CAMK1D: variants seen among roughly 807,000 people sequenced by gnomAD.
The protein encoded by CAMK1D is calcium/calmodulin-dependent protein kinase type 1D.
CAMK1D carries 9 observed loss-of-function variants against 47.7 expected under a neutral mutation model. The observed-to-expected ratio is 0.19, with a 90% CI of 0.11 to 0.33. The LOEUF is 0.33. Ranked by LOEUF, CAMK1D falls within the 10% of genes least tolerant of loss-of-function variation. The pLI is 1.00. For missense variants in CAMK1D, 291 were observed against 488.7 expected, an observed-to-expected ratio of 0.60 and a Z score of 3.81; for synonymous variants, 184 against 184.9, an observed-to-expected ratio of 0.99 and a Z score of 0.04.
intron 10 of CAMK1D, 62 bp from the exon 11 acceptor site, chr10:12,828,707 T>A: frequency 7.5e-7 from 1 of 1,332,874 alleles, no homozygotes. Flanking sequence ...CACCTGGCAG[T>A]GGGAAGCAGG....
At chr10:12,789,157 G>T (rs2493768) in intron 5 of CAMK1D, among the ~76,000 whole-genome samples, 12,630 of 152,252 alleles carry the variant, frequency 0.083, 1,781 homozygotes, top group African/African-American at 0.29. Context: ...GAGGACAGCT[G>T]TGAGTGTGAC....
At chr10:12,772,810 G>A (rs760783535) in intron 5 of CAMK1D, among the ~76,000 whole-genome samples, 5 of 152,286 alleles carry the variant, frequency 3.3e-5, no homozygotes, top group East Asian at 1.9e-4. Flanking sequence ...TTGACTGAGC[G>A]CTGAAACTCC....
intron 1 of CAMK1D, among the ~76,000 whole-genome samples, chr10:12,399,597 C>T (rs1385834968): frequency 6.6e-6 from 1 of 152,104 alleles, no homozygotes; most frequent in East Asian, 1.9e-4. Context: ...GACACCCCTA[C>T]TATGACACCT....
Position 12,834,339 on chromosome 10 carries a change from G to A in CAMK1D, c.*5452G>A, listed in dbSNP as rs1393940209. On this transcript the variant is annotated 3_prime_UTR_variant, in exon 11 of 11. Coordinates refer to ENST00000619168, the MANE Select transcript of CAMK1D (RefSeq NM_153498.4). ...ACCTCCCGATGCCTCCAGAGTCAGT[G>A]GGAAGGAGTCAGCCCTTCCCAGACT... 1.3e-5 allele frequency: 2 copies of A among 152,262 alleles called. No individual in the cohort carries two copies. Among genetic ancestry groups the A allele is most frequent in the Non-Finnish European group, 2.9e-5 (2 of 68,084 alleles). The allele number at this position is 152,262 out of a possible 1,614,324, so 9.4% of individuals were successfully genotyped here.
At chr10:12,408,047 G>T (rs774202402) in intron 1 of CAMK1D, among the ~76,000 whole-genome samples, 3 of 151,876 alleles carry the variant, frequency 2.0e-5, no homozygotes, top group Non-Finnish European at 4.4e-5. Flanking sequence ...TAGTAGAGAC[G>T]GTGTTTTACC....
At chr10:12,746,363 C>CAAAAAGAAAAAAAAA (rs1835680292) in intron 3 of CAMK1D, among the ~76,000 whole-genome samples, 1 of 86,834 alleles carries the variant, frequency 1.2e-5, no homozygotes, top group Non-Finnish European at 2.2e-5. Flanking sequence ...GACTCCGTCT[C>CAAAAAGAAAAAAAAA]AAAAAAAAAA....
At chr10:12,472,741 C>T (rs537721501) in intron 1 of CAMK1D, among the ~76,000 whole-genome samples, 7 of 152,250 alleles carry the variant, frequency 4.6e-5, no homozygotes, top group South Asian at 4.1e-4. Context: ...AGGCTGGTCT[C>T]GAACTCCTGA....
In CAMK1D at chr10:12,535,386, A is replaced by G. The variant is rs79279660; in HGVS notation, c.93-17839A>G. 2.9e-3 allele frequency among the ~76,000 whole-genome samples: 449 copies of G among 152,306 alleles called. 2 individuals are homozygous for G. The highest frequency in any genetic ancestry group is 9.7e-3 in the African/African-American group (404 of 41,582). ...CCCCCTGCCCCCACCAAAGTGTATGAGAACAGGGACTTTATTCCCTTCTTC... is the reference window on the plus strand; with the variant it reads ...CCCCCTGCCCCCACCAAAGTGTATGGGAACAGGGACTTTATTCCCTTCTTC... On this transcript the variant is annotated intron_variant, in intron 1 of 10. Transcript: ENST00000619168.
chr10:12,708,168 C>T (rs755114464), intron 3 of CAMK1D, among the ~76,000 whole-genome samples: 27 of 152,180 alleles, frequency 1.8e-4, no homozygotes, highest in Non-Finnish European at 2.9e-4. Context: ...TAATAGTCCC[C>T]CCAGAGGTTC....
intron 2 of CAMK1D, among the ~76,000 whole-genome samples, chr10:12,617,775 G>T (rs78358143): frequency 0.01 from 1,585 of 152,202 alleles, 28 homozygotes; most frequent in African/African-American, 0.036. Context: ...AGTCACAAAA[G>T]ACATAAATGA....
intron 6 of CAMK1D, among the ~76,000 whole-genome samples, chr10:12,805,648 G>T (rs1838696504): frequency 6.6e-6 from 1 of 152,156 alleles, no homozygotes; most frequent in Non-Finnish European, 1.5e-5. Flanking sequence ...AGGATTACAG[G>T]CATGAGCCAC....
intron 2 of CAMK1D, among the ~76,000 whole-genome samples, chr10:12,645,986 T>A (rs63369260): frequency 6.7e-6 from 1 of 148,346 alleles, no homozygotes; most frequent in African/African-American, 2.5e-5. Flanking sequence ...TTTTTTTTTT[T>A]AAGTAACTGA....
chr10:12,577,718 G>A (rs1837533343), intron 2 of CAMK1D, among the ~76,000 whole-genome samples: 1 of 152,168 alleles, frequency 6.6e-6, no homozygotes, highest in Non-Finnish European at 1.5e-5. Flanking sequence ...TGAGACTTCT[G>A]GAGACCTAAA....
intron 1 of CAMK1D, among the ~76,000 whole-genome samples, chr10:12,418,463 C>G (rs1265373292): frequency 6.6e-6 from 1 of 152,138 alleles, no homozygotes; most frequent in Non-Finnish European, 1.5e-5. Flanking sequence ...AAAGAATTAG[C>G]TGGGCACCGT....
At chr10:12,786,827 A>G (rs911817668) in intron 5 of CAMK1D, among the ~76,000 whole-genome samples, 3 of 152,236 alleles carry the variant, frequency 2.0e-5, no homozygotes, top group Non-Finnish European at 2.9e-5. Flanking sequence ...TGGCTGCAAG[A>G]ATCTAAACAT....
At chr10:12,591,660 C>T (rs755653208) in intron 2 of CAMK1D, among the ~76,000 whole-genome samples, 24 of 152,222 alleles carry the variant, frequency 1.6e-4, no homozygotes, top group Non-Finnish European at 2.5e-4. Context: ...TTTCTGTTCA[C>T]GTAGGCAGCT....
chr10:12,563,028 G>T (rs1836992200), intron 2 of CAMK1D, among the ~76,000 whole-genome samples: 1 of 152,196 alleles, frequency 6.6e-6, no homozygotes, highest in Admixed American at 6.5e-5. Context: ...TACACAAAAA[G>T]ATTTATTATG....
intron 2 of CAMK1D, among the ~76,000 whole-genome samples, chr10:12,645,970 G>GTTT (rs5783282): frequency 7.3e-6 from 1 of 136,876 alleles, no homozygotes; most frequent in Non-Finnish European, 1.6e-5. Flanking sequence ...ATGGCTAGTT[G>GTTT]TTTTTTTTTT....
At chr10:12,751,086 GAT>G (rs1835939617) in intron 3 of CAMK1D, among the ~76,000 whole-genome samples, 1 of 83,992 alleles carries the variant, frequency 1.2e-5, no homozygotes, top group East Asian at 3.9e-4. Context: ...GATAAGATAA[GAT>G]AAGATAAGAT....
Sources: gnomAD v4.1 joint callset for allele counts (sites outside exome capture counted in the v4.1 genomes callset) on GRCh38, gnomAD v4.1.1 for gene constraint, MANE v1.5 for transcripts, NCBI Gene and HGNC (gene_info 2026-07-23, HGNC 2026-07-21) for gene names.